The following KIF1B variants were observed in gnomAD, a reference collection of about 807,000 sequenced individuals.
The protein encoded by KIF1B is kinesin family member 1B, also known as kinesin-like protein KIF1B.
In KIF1B, 76 loss-of-function variants were observed where a neutral mutation model predicts 241.9. The ratio of observed to expected loss-of-function variants is 0.31; its 90% CI spans 0.26 to 0.38. KIF1B has a LOEUF of 0.38. Ranked by LOEUF, KIF1B falls within the 10% of genes least tolerant of loss-of-function variation. KIF1B has a pLI of 1.00. For synonymous variants in KIF1B, 750 were observed against 796.7 expected (o/e 0.94, Z 0.99); for missense variants, 1,622 against 2,271.4 (o/e 0.71, Z 5.81).
At chr1:10,235,798 G>T (rs1325080413) in intron 2 of KIF1B, among the ~76,000 whole-genome samples, 1 of 149,088 alleles carries the variant, frequency 6.7e-6, no homozygotes, top group Non-Finnish European at 1.5e-5. Context: ...GGAGGTGGAG[G>T]TTGCAGTGAG....
chr1:10,216,180 A>G (rs1336377160), intron 1 of KIF1B, among the ~76,000 whole-genome samples: 1 of 152,182 alleles, frequency 6.6e-6, no homozygotes. Context: ...CTTTGTAACT[A>G]CCGTTAACTG....
intron 1 of KIF1B, among the ~76,000 whole-genome samples, chr1:10,224,158 A>G (rs1443141755): frequency 6.6e-6 from 1 of 152,060 alleles, no homozygotes; most frequent in Non-Finnish European, 1.5e-5. Flanking sequence ...TCTGTTGCCC[A>G]GGCTGGAGTG....
At chr1:10,321,558 T>G in intron 23 of KIF1B, 151 bp from the exon 24 acceptor site, 1 of 731,838 alleles carries the variant, frequency 1.4e-6, no homozygotes, top group Non-Finnish European at 2.3e-6. Flanking sequence ...TCAACAGAAT[T>G]TGGTAAGCTT....
intron 5 of KIF1B, among the ~76,000 whole-genome samples, chr1:10,262,637 T>G (rs890271863): frequency 3.9e-5 from 6 of 152,254 alleles, no homozygotes; most frequent in Non-Finnish European, 7.3e-5. Flanking sequence ...TTTTCTATTT[T>G]TTAATCTTTG....
rs763827622 is a variant in KIF1B, at chr1:10,304,016, A to G, written c.2115+6770A>G. 11 of 1,611,266 alleles carry G rather than the reference A, an allele frequency of 6.8e-6. 1 individual carries two copies. The highest frequency in any genetic ancestry group is 9.3e-6 in the Non-Finnish European group (11 of 1,178,586). ...GAGATAACAAAGCAGCTTCGTCGGC[A>G]GAATGTACCTCATAGGTTCATCCCT... On this transcript the variant is annotated intron_variant, in intron 22 of 48. Transcript: ENST00000676179.
At chr1:10,283,252 G>A (rs1026741802) in intron 15 of KIF1B, among the ~76,000 whole-genome samples, 2 of 148,528 alleles carry the variant, frequency 1.3e-5, no homozygotes, top group African/African-American at 4.9e-5. Flanking sequence ...GAACATTTGA[G>A]TAGCTGTTCC....
At chr1:10,277,281 TAAA>T (rs561759889) in intron 12 of KIF1B, among the ~76,000 whole-genome samples, 1 of 141,540 alleles carries the variant, frequency 7.1e-6, no homozygotes, top group Admixed American at 7.1e-5. Flanking sequence ...CTCTGTCTCT[TAAA>T]AAAAAAAAAA....
At chr1:10,335,204 C>T (rs1652119894) in intron 28 of KIF1B, among the ~76,000 whole-genome samples, 1 of 152,074 alleles carries the variant, frequency 6.6e-6, no homozygotes, top group Non-Finnish European at 1.5e-5. Context: ...CCCTGGCCTC[C>T]CAAAATGTTA....
chr1:10,263,141 G>C (rs1033581249), intron 5 of KIF1B, among the ~76,000 whole-genome samples: 3 of 151,698 alleles, frequency 2.0e-5, no homozygotes. Context: ...AAAATTAGCC[G>C]GCTGTGGTGG....
intron 2 of KIF1B, among the ~76,000 whole-genome samples, chr1:10,236,356 G>A (rs2102138557): frequency 6.6e-6 from 1 of 152,206 alleles, no homozygotes; most frequent in East Asian, 1.9e-4. Context: ...GCTTATTACA[G>A]CTTATTAGTG....
intron 14 of KIF1B, among the ~76,000 whole-genome samples, chr1:10,279,689 CTTTTTTTTTTTTTTTTTTTT>C (rs34983973): frequency 3.3e-4 from 22 of 67,624 alleles, no homozygotes; most frequent in Non-Finnish European, 2.1e-4. Flanking sequence ...ACGTTTTTTC[CTTTTTTTTTTTTTTTTTTTT>C]TTTTTTTAGA....
chr1:10,378,258 C>T lies in KIF1B; in HGVS notation c.*1671C>T. 1.4e-6 allele frequency: 1 copy of T among 714,444 alleles called. No homozygotes were observed. The highest frequency in any genetic ancestry group is 1.5e-5 in the South Asian group (1 of 67,352). 44.3% of individuals were successfully genotyped at this position (714,444 alleles called of 1,614,324 possible). A position where few individuals can be genotyped will look rare whatever the true frequency, so the allele number is the denominator to read the frequency against. The stretch of plus-strand genomic sequence containing the variant: ...CCCAGGCTTTGTTGCGTGTTCCCTG[C>T]TCCTCTCCATCTGGTGTGGAAACAC... On this transcript the variant is annotated 3_prime_UTR_variant, in exon 49 of 49. Coordinates refer to ENST00000676179, the MANE Select transcript of KIF1B (RefSeq NM_001365951.3).
intron 41 of KIF1B, among the ~76,000 whole-genome samples, chr1:10,363,942 A>C (rs1638494398): frequency 6.6e-6 from 1 of 152,224 alleles, no homozygotes; most frequent in Non-Finnish European, 1.5e-5. Flanking sequence ...GACTTAGATA[A>C]GTAAAGAAGA....
Position 10,326,188 on chromosome 1 carries a change from C to A in KIF1B, c.2753C>A (p.Ser918Tyr). 1 of 1,614,156 alleles carries A rather than the reference C, an allele frequency of 6.2e-7. No homozygotes were observed. Among genetic ancestry groups the A allele is most frequent in the African/African-American group, 1.3e-5 (1 of 75,038 alleles). The change falls in exon 27 of 49, where the codon TCC becomes TAC. Residue 918 changes from serine to tyrosine, a missense_variant. Ser to Tyr is a moderately radical substitution (Grantham distance 144). Around this residue, in one of 7 missense-constraint regions of KIF1B, gnomAD observed 803 missense variants for 1,112.0 expected, o/e 0.72. Transcript: ENST00000676179. The surrounding 1 kb of genome is among the most constrained non-coding windows in gnomAD (Gnocchi z 5.2). Reference protein sequence around the residue: ...TPSPTFSTADSDITELADEQQ... With the variant: ...TPSPTFSTADYDITELADEQQ... ...TCCCCCACTTTTTCCACGGCCGATTCCGACATCACTGAGCTGGCTGACGAG... is the reference window on the plus strand; with the variant it reads ...TCCCCCACTTTTTCCACGGCCGATTACGACATCACTGAGCTGGCTGACGAG...
intron 28 of KIF1B, among the ~76,000 whole-genome samples, chr1:10,335,921 G>A (rs904919603): frequency 2.0e-5 from 3 of 152,050 alleles, no homozygotes; most frequent in African/African-American, 7.2e-5. Context: ...GTCATTTGCT[G>A]TAATCTTTCT....
chr1:10,364,078 A>C (rs933715053), intron 41 of KIF1B, among the ~76,000 whole-genome samples: 4 of 152,168 alleles, frequency 2.6e-5, no homozygotes, highest in Admixed American at 1.3e-4. Context: ...AAAAAAAATT[A>C]ACAGGAAATA....
intron 1 of KIF1B, among the ~76,000 whole-genome samples, chr1:10,223,540 T>C (rs1009691741): frequency 4.5e-5 from 6 of 133,814 alleles, no homozygotes; most frequent in African/African-American, 1.3e-4. Context: ...TTTTTTGTTT[T>C]GTTTTGTTTT....
chr1:10,273,493 G>T (rs1648914049), intron 10 of KIF1B, among the ~76,000 whole-genome samples: 1 of 152,046 alleles, frequency 6.6e-6, no homozygotes, highest in South Asian at 2.1e-4. Context: ...TTACATAGTG[G>T]AGTGAAAGTT....
chr1:10,296,905 A>G lies in KIF1B; in HGVS notation c.1870A>G (p.Ile624Val), dbSNP rs1422541014. 1 of 1,614,044 alleles carries G rather than the reference A, an allele frequency of 6.2e-7. No homozygotes were observed. The highest frequency in any genetic ancestry group is 1.1e-5 in the South Asian group (1 of 91,074). Residue 624 changes from isoleucine (I) to valine (V), a missense_variant, in exon 21 of 49, where the codon ATC (isoleucine) becomes GTC (valine). Ile to Val is a conservative substitution (Grantham distance 29). Around this residue, in one of 7 missense-constraint regions of KIF1B, gnomAD observed 803 missense variants for 1,112.0 expected, o/e 0.72. Transcript: ENST00000676179. ...QPVQLRSGNR[I>V]IMGKNHVFRF... ...TTTCTGTTTTGTGCTAGGAAACCGT[A>G]TCATCATGGGTAAAAACCATGTTTT...
Sources: gnomAD v4.1 joint callset for allele counts (sites outside exome capture counted in the v4.1 genomes callset) on GRCh38, gnomAD v4.1.1 for gene constraint, gnomAD v4.1.1 regional missense constraint, Gnocchi (gnomAD v3.1) non-coding constraint, MANE v1.5 for transcripts, NCBI Gene and HGNC (gene_info 2026-07-23, HGNC 2026-07-21) for gene names.